The following SH2D3C variants were observed in gnomAD, a reference collection of about 807,000 sequenced individuals.
The protein encoded by SH2D3C is SH2 domain containing 3C, also known as SH2 domain-containing protein 3C.
SH2D3C carries 25 observed loss-of-function variants against 75.2 expected under a neutral mutation model. The ratio of observed to expected loss-of-function variants is 0.33; its 90% CI spans 0.24 to 0.46. SH2D3C has a LOEUF of 0.46. SH2D3C is among the 20% of genes least tolerant of loss of function. The probability of loss-of-function intolerance (pLI) is 1.00; values close to 1 mark genes in which losing one functional copy is unlikely to be tolerated. For missense variants in SH2D3C, 933 were observed against 1,165.3 expected (o/e 0.80, Z 2.90); for synonymous variants, 450 against 473.7 (o/e 0.95, Z 0.65).
intron 8 of SH2D3C, 39 bp downstream of exon 8, chr9:127,742,810 G>T: frequency 6.6e-7 from 1 of 1,519,520 alleles, no homozygotes; most frequent in East Asian, 2.3e-5. Context: ...CGGTAGCCGG[G>T]GGTTCCCCGC....
intron 3 of SH2D3C, among the ~76,000 whole-genome samples, chr9:127,756,430 C>T (rs969325936): frequency 1.3e-5 from 2 of 152,304 alleles, no homozygotes; most frequent in South Asian, 2.1e-4. Context: ...GCTGTGTGAC[C>T]GCAGGTGGGT....
At position 127,742,207 on chromosome 9, in the gene SH2D3C, T is replaced by C. The variant is rs1297930661; in HGVS notation, c.1917-248A>G. Among the ~76,000 whole-genome samples, 3 of 151,638 alleles carry C rather than the reference T, an allele frequency of 2.0e-5. No homozygotes were observed. In the East Asian group the frequency reaches 5.8e-4, roughly 29 times the overall value. ...CAGCAGGGAAATGCATCACGCAGAGTAGTTTTTTGTTTTGTTTTTGTTTGT... is the reference window on the plus strand; with the variant it reads ...CAGCAGGGAAATGCATCACGCAGAGCAGTTTTTTGTTTTGTTTTTGTTTGT... On this transcript the variant is annotated intron_variant, in intron 8 of 11. Coordinates refer to ENST00000314830, the MANE Select transcript of SH2D3C (RefSeq NM_170600.3).
chr9:127,770,933 CA>C (rs1384737029), intron 2 of SH2D3C, among the ~76,000 whole-genome samples: 1 of 152,218 alleles, frequency 6.6e-6, no homozygotes, highest in Non-Finnish European at 1.5e-5. Flanking sequence ...TCAAACTCGG[CA>C]GGCAAATCTT....
chr9:127,746,759 G>A lies in SH2D3C; in HGVS notation c.1264+388C>T, dbSNP rs185340996. ...TCGAGACCACTCTGGCCAACATGACGAAACACCGTCTCTACTAAAAATACA... is the reference window on the plus strand; with the variant it reads ...TCGAGACCACTCTGGCCAACATGACAAAACACCGTCTCTACTAAAAATACA... On this transcript the variant is annotated intron_variant, in intron 6 of 11. Coordinates refer to ENST00000314830, the MANE Select transcript of SH2D3C (RefSeq NM_170600.3). Among the ~76,000 whole-genome samples the A allele has an allele frequency of 1.3e-3, 194 of 152,312 alleles. 4 individuals carry two copies. In the East Asian group the frequency reaches 0.026, roughly 21 times the overall value.
intron 1 of SH2D3C, among the ~76,000 whole-genome samples, chr9:127,776,715 C>T (rs1845817132): frequency 6.6e-6 from 1 of 152,338 alleles, no homozygotes; most frequent in African/African-American, 2.4e-5. Flanking sequence ...AAACTGAGGC[C>T]CAGCAATGGG....
rs1396222421 is a variant in SH2D3C at position 127,774,718 on chromosome 9, T to C, written c.38-251A>G. Among the ~76,000 whole-genome samples the C allele has an allele frequency of 6.6e-6, 1 of 152,164 alleles. No individual in the cohort carries two copies. Among genetic ancestry groups the C allele is most frequent in the East Asian group, 1.9e-4 (1 of 5,192 alleles). On this transcript the variant is annotated intron_variant, in intron 1 of 11. Transcript: ENST00000314830. The surrounding 1 kb of genome is among the most constrained non-coding windows in gnomAD (Gnocchi z 4.3). ...GTGACCTTAGGCAAGTCACTTGACC[T>C]CTCTAAGCTTAGCCTCATTCTCCAC...
In SH2D3C at chr9:127,778,624, T is replaced by A; in HGVS notation, c.4A>T (p.Thr2Ser). The A allele has an allele frequency of 6.2e-7, 1 of 1,613,992 alleles. No homozygotes were observed. Among genetic ancestry groups the A allele is most frequent in the Non-Finnish European group, 8.5e-7 (1 of 1,179,844 alleles). Residue 2 changes from threonine (T) to serine (S), a missense_variant, in exon 1 of 12, where the codon ACA (threonine) becomes TCA (serine). Thr to Ser is a moderately conservative substitution (Grantham distance 58). Coordinates refer to ENST00000314830, the MANE Select transcript of SH2D3C (RefSeq NM_170600.3). M[T>S]EGTKKTSKKF... ...TTGCTGGTCTTCTTGGTCCCCTCTG[T>A]CATCTTGGCAAATTGTGTGAAGCCC...
At chr9:127,743,395 C>G (rs895300886) in intron 7 of SH2D3C, among the ~76,000 whole-genome samples, 6 of 151,998 alleles carry the variant, frequency 3.9e-5, no homozygotes, top group African/African-American at 1.5e-4. Flanking sequence ...CCCAGCTACT[C>G]GGGAGGTTGG....
chr9:127,748,293 A>G (rs183144212), intron 5 of SH2D3C, among the ~76,000 whole-genome samples: 5,476 of 152,158 alleles, frequency 0.036, 139 homozygotes, highest in African/African-American at 0.073. Flanking sequence ...TGACACCATT[A>G]TGTTTACTGG....
Position 127,754,307 on chromosome 9 carries a change from G to C in SH2D3C, c.556-3007C>G, listed in dbSNP as rs1192728038. Among the ~76,000 whole-genome samples the C allele has an allele frequency of 3.3e-5, 5 of 152,128 alleles. No individual in the cohort carries two copies. Among genetic ancestry groups the C allele is most frequent in the Admixed American group, 1.3e-4 (2 of 15,290 alleles). On this transcript the variant is annotated intron_variant, in intron 3 of 11. Coordinates refer to ENST00000314830, the MANE Select transcript of SH2D3C (RefSeq NM_170600.3). This position sits in a 1 kb window ranked among gnomAD's most constrained non-coding sequence, Gnocchi z 4.4. ...GCCTGGGGGAGCGAAGAGCCGACGC[G>C]CCTGGCATCTCCCAGGGGGCTCAGG...
intron 2 of SH2D3C, among the ~76,000 whole-genome samples, chr9:127,769,182 A>G: frequency 6.6e-6 from 1 of 152,212 alleles, no homozygotes; most frequent in Non-Finnish European, 1.5e-5. Context: ...GACCTAGAAC[A>G]GTGTCTGAGG....
intron 3 of SH2D3C, among the ~76,000 whole-genome samples, chr9:127,759,997 A>T (rs7875652): frequency 0.025 from 3,699 of 147,480 alleles, 61 homozygotes; most frequent in African/African-American, 0.041. Flanking sequence ...AAAAAAAAAA[A>T]TTTTTTTTTT....
rs1845137314 is a variant in SH2D3C, at chr9:127,749,618, G to A, written c.732C>T (p.Asp244=). 6.9e-6 allele frequency: 11 copies of A among 1,588,890 alleles called. No individual in the cohort carries two copies. Among genetic ancestry groups the A allele is most frequent in the Non-Finnish European group, 9.4e-6 (11 of 1,168,844 alleles). Residue 244 remains aspartate, a synonymous_variant, in exon 5 of 12, where the codon GAC becomes GAT. Coordinates refer to ENST00000314830, the MANE Select transcript of SH2D3C (RefSeq NM_170600.3). The surrounding 1 kb of genome is among the most constrained non-coding windows in gnomAD (Gnocchi z 5.9). ...CATAGTCGCCCAGGCTGGTGAGTGA[G>A]TCCCGGATGAGGAAGTCGCCGTTGC... ...VQRNGDFLIR[D]SLTSLGDYVL...
At chr9:127,744,454 A>G in intron 7 of SH2D3C, 110 bp downstream of exon 7, 5 of 1,349,566 alleles carry the variant, frequency 3.7e-6, no homozygotes, top group Non-Finnish European at 5.0e-6. Context: ...CCATGGAGCT[A>G]GAATCCAGGC....
In SH2D3C at chr9:127,754,825, C is replaced by T. The variant is rs1845314786; in HGVS notation, c.556-3525G>A. 4.1e-6 allele frequency: 2 copies of T among 488,776 alleles called. No individual in the cohort carries two copies. The highest frequency in any genetic ancestry group is 2.0e-5 in the African/African-American group (1 of 50,312). The allele number at this position is 488,776 out of a possible 1,614,324, so 30.3% of individuals were successfully genotyped here. A position where few individuals can be genotyped will look rare whatever the true frequency, so the allele number is the denominator to read the frequency against. On this transcript the variant is annotated intron_variant, in intron 3 of 11. Coordinates refer to ENST00000314830, the MANE Select transcript of SH2D3C (RefSeq NM_170600.3). The surrounding 1 kb of genome is among the most constrained non-coding windows in gnomAD (Gnocchi z 4.4). The stretch of plus-strand genomic sequence containing the variant: ...AGCTCTCTCCCTCCTGCGGAGGAGG[C>T]AGAAACGGACCGGCATCTACCGCAG...
chr9:127,744,072 CTT>C (rs34636940), intron 7 of SH2D3C, among the ~76,000 whole-genome samples: 16 of 114,530 alleles, frequency 1.4e-4, no homozygotes, highest in Admixed American at 6.7e-4. Flanking sequence ...ATCTTATGTG[CTT>C]TTTTTTTTTT....
At chr9:127,761,224 A>T (rs2131789817) in intron 3 of SH2D3C, among the ~76,000 whole-genome samples, 1 of 152,308 alleles carries the variant, frequency 6.6e-6, no homozygotes, top group East Asian at 1.9e-4. Context: ...TGTGATAAAG[A>T]ACTGAGTCAT....
chr9:127,778,477 A>G (rs1829079021), intron 1 of SH2D3C, 114 bp downstream of exon 1: 2 of 922,246 alleles, frequency 2.2e-6, no homozygotes, highest in Non-Finnish European at 3.6e-6. Context: ...AAAAAAAGAA[A>G]AAGAGTGAGA....
At position 127,744,719 on chromosome 9, in the gene SH2D3C, C is replaced by T. The variant is rs756843099; in HGVS notation, c.1645G>A (p.Val549Ile). Reference protein sequence around the residue: ...GKTFTVPIVEVTSSFNPATFQ... With the variant: ...GKTFTVPIVEITSSFNPATFQ... ...GTGGCCGGGTTGAAGGAAGAAGTGA[C>T]TTCCACGATGGGGACTGTGAAGGTC... The change falls in exon 7 of 12, where the codon GTC becomes ATC. Residue 549 changes from valine (V) to isoleucine (I), a missense_variant. By Grantham distance (29) the Val-to-Ile change is conservative. Transcript: ENST00000314830. 4 of 1,614,130 alleles carry T rather than the reference C, an allele frequency of 2.5e-6. No individual in the cohort carries two copies. Among genetic ancestry groups the T allele is most frequent in the East Asian group, 2.2e-5 (1 of 44,898 alleles).
Sources: allele counts gnomAD v4.1 joint callset (sites outside exome capture counted in the v4.1 genomes callset), GRCh38; gene constraint gnomAD v4.1.1; non-coding constraint Gnocchi (gnomAD v3.1); transcripts MANE v1.5; gene names NCBI Gene and HGNC (gene_info 2026-07-23, HGNC 2026-07-21).